Variants in GAS6 observed in about 807,000 individuals in gnomAD.
GAS6 encodes growth arrest specific 6, also known as growth arrest-specific protein 6.
A neutral mutation model predicts 75.8 loss-of-function variants in GAS6; 41 were observed. The ratio of observed to expected loss-of-function variants is 0.54; its 90% CI spans 0.42 to 0.70. GAS6 has a LOEUF of 0.70. GAS6 is among the 30% of genes least tolerant of loss of function. GAS6 has a pLI of 0.00. For synonymous variants in GAS6, 432 were observed against 412.6 expected (o/e 1.05, Z -0.57); for missense variants, 854 against 940.2 (o/e 0.91, Z 1.20).
At chr13:113,832,232 G>C in intron 10 of GAS6, 67 bp downstream of exon 10, 2 of 1,524,160 alleles carry the variant, frequency 1.3e-6, no homozygotes, top group Non-Finnish European at 1.8e-6. Context: ...GCATAAGCGA[G>C]TGACAGCTGA....
At chr13:113,824,480 T>A (rs1321034252) in intron 12 of GAS6, among the ~76,000 whole-genome samples, 1 of 152,046 alleles carries the variant, frequency 6.6e-6, no homozygotes, top group African/African-American at 2.4e-5. Flanking sequence ...CCACGGCATA[T>A]CCTCTCCACG....
chr13:113,863,244 C>T lies in GAS6; in HGVS notation c.255+331G>A, dbSNP rs979763924. Among the ~76,000 whole-genome samples the T allele has an allele frequency of 2.6e-5, 4 of 152,204 alleles. No homozygotes were observed. Among genetic ancestry groups the T allele is most frequent in the African/African-American group, 9.6e-5 (4 of 41,466 alleles). ...GCCCGGGGGTTCCTCACCTCCAGCC[C>T]AGCAGAGGGAGGGCCGCGGGGAAGC... On this transcript the variant is annotated intron_variant, in intron 2 of 14. Coordinates refer to ENST00000327773, the MANE Select transcript of GAS6 (RefSeq NM_000820.4). The surrounding 1 kb of genome is among the most constrained non-coding windows in gnomAD (Gnocchi z 9.4).
chr13:113,826,406 C>T lies in GAS6; in HGVS notation c.1477+590G>A, dbSNP rs113645299. 1.2e-3 allele frequency among the ~76,000 whole-genome samples: 174 copies of T among 147,328 alleles called. 8 individuals carry two copies. The highest frequency in any genetic ancestry group is 3.6e-3 in the Middle Eastern group (1 of 280). On this transcript the variant is annotated intron_variant, in intron 12 of 14. Transcript: ENST00000327773. ...CCCCGGCCTCGCAGGCACCTTCTCT[C>T]CCCGGCCTCCCGGCGCTGGCCTCGC...
chr13:113,823,229 G>A (rs909297488), intron 13 of GAS6, 146 bp downstream of exon 13: 19 of 879,094 alleles, frequency 2.2e-5, no homozygotes, highest in African/African-American at 8.6e-5. Context: ...GGCCCACGCC[G>A]GGCTTGGCTC....
chr13:113,825,537 G>A (rs946622270), intron 12 of GAS6, among the ~76,000 whole-genome samples: 20 of 152,152 alleles, frequency 1.3e-4, no homozygotes, highest in East Asian at 5.8e-4. Context: ...GCTTCTGTCC[G>A]GATAGACCAA....
chr13:113,828,078 A>AT (rs1182379673), intron 11 of GAS6, among the ~76,000 whole-genome samples: 6 of 152,214 alleles, frequency 3.9e-5, no homozygotes, highest in South Asian at 2.1e-4. Context: ...GATCGAGACC[A>AT]CGGCGAAACC....
intron 11 of GAS6, among the ~76,000 whole-genome samples, chr13:113,828,124 C>T (rs922105866): frequency 2.0e-5 from 3 of 152,072 alleles, no homozygotes; most frequent in African/African-American, 7.2e-5. Context: ...ATTAGCCGGA[C>T]GTGGTGGCGG....
chr13:113,827,499 T>C (rs1460613778), intron 11 of GAS6, among the ~76,000 whole-genome samples: 1 of 152,176 alleles, frequency 6.6e-6, no homozygotes, highest in Admixed American at 6.5e-5. Context: ...TCAATATGGC[T>C]GTGGGCAAAT....
At chr13:113,850,913 G>C (rs1448286379) in intron 2 of GAS6, among the ~76,000 whole-genome samples, 4 of 152,310 alleles carry the variant, frequency 2.6e-5, no homozygotes, top group Non-Finnish European at 4.4e-5. Context: ...TCGGTGGATA[G>C]ATTAGTGAGT....
At chr13:113,853,011 G>A (rs2051888313) in intron 2 of GAS6, among the ~76,000 whole-genome samples, 1 of 152,194 alleles carries the variant, frequency 6.6e-6, no homozygotes, top group African/African-American at 2.4e-5. Context: ...CCCTAGGCCT[G>A]CTCTGGGGCC....
At position 113,823,530 on chromosome 13, in the gene GAS6, C is replaced by A. The variant is rs7992146; in HGVS notation, c.1498G>T (p.Gly500Trp). 2 of 1,612,172 alleles carry A rather than the reference C, an allele frequency of 1.2e-6. No individual in the cohort carries two copies. The highest frequency in any genetic ancestry group is 3.3e-5 in the Admixed American group (2 of 59,966). Reference sequence around the variant, plus strand: ...TCTACTTCCCAGGTTGATTCAGTCCCGACGTCCAGAGGGGTCCGCACTGCA... The same window carrying A: ...TCTACTTCCCAGGTTGATTCAGTCCAGACGTCCAGAGGGGTCCGCACTGCA... ...LDYMRTPLDV[G>W]TESTWEVEVV... The change falls in exon 13 of 15, where the codon GGG becomes TGG. Residue 500 changes from glycine to tryptophan, a missense_variant. By Grantham distance (184) the Gly-to-Trp change is radical (BLOSUM62 -2). Transcript: ENST00000327773.
At chr13:113,857,648 A>C (rs1406985948) in intron 2 of GAS6, among the ~76,000 whole-genome samples, 1 of 152,234 alleles carries the variant, frequency 6.6e-6, no homozygotes, top group African/African-American at 2.4e-5. Context: ...CCAGCTAGCA[A>C]GCTTAACGCC....
intron 2 of GAS6, among the ~76,000 whole-genome samples, chr13:113,859,309 T>C (rs1594211487): frequency 6.6e-6 from 1 of 151,038 alleles, no homozygotes; most frequent in African/African-American, 2.4e-5. Context: ...TGTGTACATG[T>C]CTGTTAGTAT....
chr13:113,834,581 G>A lies in GAS6; in HGVS notation c.804C>T (p.Leu268=). 1.2e-6 allele frequency: 2 copies of A among 1,603,888 alleles called. No individual in the cohort carries two copies. Among genetic ancestry groups the A allele is most frequent in the Non-Finnish European group, 1.7e-6 (2 of 1,176,184 alleles). ...YTCHCDGRGG[L]KLSQDMDTCE... Reference sequence around the variant, plus strand: ...AGGTGTCCATGTCCTGGGACAGCTTGAGGCCCCCACGCCCGTCACAGTGGC... The same window carrying A: ...AGGTGTCCATGTCCTGGGACAGCTTAAGGCCCCCACGCCCGTCACAGTGGC... The change falls in exon 8 of 15, where the codon CTC becomes CTT. Residue 268 remains leucine, a synonymous_variant. Coordinates refer to ENST00000327773, the MANE Select transcript of GAS6 (RefSeq NM_000820.4).
rs1566379304 is a variant in GAS6, at chr13:113,864,050, G to A, written c.-130C>T. On this transcript the variant is annotated 5_prime_UTR_variant, in exon 1 of 15. Coordinates refer to ENST00000327773, the MANE Select transcript of GAS6 (RefSeq NM_000820.4). Reference sequence around the variant, plus strand: ...ACATCGCGGCGGCGGCGGCGGCGGCGGCTGCGGCACCTCAAGCGCTCGGTC... The same window carrying A: ...ACATCGCGGCGGCGGCGGCGGCGGCAGCTGCGGCACCTCAAGCGCTCGGTC... 2.2e-6 allele frequency: 2 copies of A among 914,254 alleles called. No homozygotes were observed. Among genetic ancestry groups the A allele is most frequent in the East Asian group, 1.1e-4 (1 of 9,302 alleles). 56.6% of individuals were successfully genotyped at this position (914,254 alleles called of 1,614,324 possible). A position where few individuals can be genotyped will look rare whatever the true frequency, so the allele number is the denominator to read the frequency against.
chr13:113,832,695 C>T lies in GAS6; in HGVS notation c.892G>A (p.Gly298Ser). ...ACGGGGGTCCCACTGAACATCCGGCCCAGGTACAAGGACTTCACACTCTTG... is the reference window on the plus strand; with the variant it reads ...ACGGGGGTCCCACTGAACATCCGGCTCAGGTACAAGGACTTCACACTCTTG... ...VAKSVKSLYLGRMFSGTPVIR... is the reference protein window; with the variant it reads ...VAKSVKSLYLSRMFSGTPVIR... Residue 298 changes from glycine to serine, a missense_variant, in exon 9 of 15, where the codon GGC becomes AGC. Physicochemically the swap from Gly to Ser is moderately conservative, Grantham distance 56. Transcript: ENST00000327773. 1 of 1,612,768 alleles carries T rather than the reference C, an allele frequency of 6.2e-7. No individual in the cohort carries two copies. Among genetic ancestry groups the T allele is most frequent in the Non-Finnish European group, 8.5e-7 (1 of 1,179,978 alleles).
At chr13:113,826,033 G>A (rs564464719) in intron 12 of GAS6, among the ~76,000 whole-genome samples, 9 of 152,300 alleles carry the variant, frequency 5.9e-5, no homozygotes, top group Non-Finnish European at 1.2e-4. Flanking sequence ...TGGTGCCCCA[G>A]TGGGGCCCAC....
intron 4 of GAS6, 26 bp from the exon 5 acceptor site, chr13:113,839,876 T>A: frequency 1.2e-6 from 2 of 1,612,956 alleles, no homozygotes; most frequent in East Asian, 2.2e-5. Flanking sequence ...AAGTGGAAAA[T>A]CATGTTCAGC....
chr13:113,849,989 T>A (rs1046534230), intron 2 of GAS6, among the ~76,000 whole-genome samples: 3 of 152,232 alleles, frequency 2.0e-5, no homozygotes, highest in African/African-American at 7.2e-5. Context: ...TTTCACATTT[T>A]CCTGAGAACA....
Sources: gnomAD v4.1 joint callset for allele counts (sites outside exome capture counted in the v4.1 genomes callset) on GRCh38, gnomAD v4.1.1 for gene constraint, Gnocchi (gnomAD v3.1) non-coding constraint, MANE v1.5 for transcripts, NCBI Gene and HGNC (gene_info 2026-07-23, HGNC 2026-07-21) for gene names.